Variants in CPED1 observed in about 807,000 individuals in gnomAD.
CPED1 encodes the protein cadherin like and PC-esterase domain containing 1.
CPED1 carries 114 observed loss-of-function variants against 128.2 expected under a neutral mutation model. The observed-to-expected ratio is 0.89, with a 90% CI of 0.76 to 1.04. The LOEUF (loss-of-function observed/expected upper bound fraction) is 1.04. Among genes scored for constraint, CPED1 ranks in the 50% least tolerant of loss-of-function variants. CPED1 has a pLI of 0.00. For synonymous variants in CPED1, 462 were observed against 426.7 expected (o/e 1.08, Z -1.02); for missense variants, 1,211 against 1,207.1 (o/e 1.00, Z -0.05).
At chr7:121,050,195 A>G (rs942798164) in intron 4 of CPED1, among the ~76,000 whole-genome samples, 4 of 152,032 alleles carry the variant, frequency 2.6e-5, no homozygotes, top group Non-Finnish European at 5.9e-5. Flanking sequence ...ATACTATGGG[A>G]TTTATCCTCT....
intron 15 of CPED1, 120 bp from the exon 16 acceptor site, chr7:121,141,853 A>G: frequency 1.4e-6 from 1 of 704,514 alleles, no homozygotes; most frequent in Non-Finnish European, 2.3e-6. Context: ...ATGAAATTGT[A>G]CAGACCTTTC....
At chr7:121,095,048 A>G (rs1193672564) in intron 5 of CPED1, among the ~76,000 whole-genome samples, 1 of 152,206 alleles carries the variant, frequency 6.6e-6, no homozygotes, top group Non-Finnish European at 1.5e-5. Context: ...GGTATTCCAT[A>G]TTAAGTTACT....
intron 16 of CPED1, among the ~76,000 whole-genome samples, chr7:121,181,038 T>C (rs1381405352): frequency 1.3e-5 from 2 of 152,098 alleles, no homozygotes; most frequent in Non-Finnish European, 2.9e-5. Flanking sequence ...TTTTCCATCA[T>C]GTTCAAGAAA....
chr7:121,135,926 T>G, intron 13 of CPED1, 114 bp from the exon 14 acceptor site: 1 of 743,242 alleles, frequency 1.3e-6, no homozygotes, highest in Non-Finnish European at 2.0e-6. Context: ...TTCACTAGTA[T>G]AATAAAAGTT....
chr7:121,228,368 C>T (rs1798063382), intron 16 of CPED1, among the ~76,000 whole-genome samples: 1 of 151,714 alleles, frequency 6.6e-6, no homozygotes, highest in Non-Finnish European at 1.5e-5. Flanking sequence ...TACAAATCGC[C>T]AATGGGTACA....
chr7:121,013,896 C>G (rs912169772), intron 2 of CPED1, among the ~76,000 whole-genome samples: 8 of 152,210 alleles, frequency 5.3e-5, no homozygotes, highest in African/African-American at 1.7e-4. Flanking sequence ...TACTAAATAT[C>G]TTCATTTATT....
At chr7:121,259,961 AAAT>A (rs1204663682) in intron 18 of CPED1, among the ~76,000 whole-genome samples, 1 of 152,014 alleles carries the variant, frequency 6.6e-6, no homozygotes, top group Non-Finnish European at 1.5e-5. Flanking sequence ...GGCTAATTTA[AAAT>A]AATATGTTCT....
At chr7:121,028,172 G>C (rs1050633122) in intron 3 of CPED1, among the ~76,000 whole-genome samples, 1 of 152,150 alleles carries the variant, frequency 6.6e-6, no homozygotes, top group African/African-American at 2.4e-5. Context: ...CCTACTCACA[G>C]TAGATCTGAT....
chr7:121,195,814 C>A lies in CPED1; in HGVS notation c.2056-40900C>A, dbSNP rs146860229. Among the ~76,000 whole-genome samples, 17 of 152,264 alleles carry A rather than the reference C, an allele frequency of 1.1e-4. No individual in the cohort carries two copies. In the East Asian group the frequency reaches 2.5e-3, roughly 23 times the overall value. Reference sequence around the variant, plus strand: ...TTATTACCGGTATCTTGACTTCTAACAAAACCTCAAGCTTGGTTGGTGTTT... The same window carrying A: ...TTATTACCGGTATCTTGACTTCTAAAAAAACCTCAAGCTTGGTTGGTGTTT... On this transcript the variant is annotated intron_variant, in intron 16 of 22. Coordinates refer to ENST00000310396, the MANE Select transcript of CPED1 (RefSeq NM_024913.5).
At chr7:121,090,779 T>A (rs10215164) in intron 5 of CPED1, among the ~76,000 whole-genome samples, 64,478 of 151,870 alleles carry the variant, frequency 0.42, 15,184 homozygotes, top group East Asian at 0.83. Flanking sequence ...TGAAACCCTG[T>A]CTCTATTAAA....
intron 5 of CPED1, among the ~76,000 whole-genome samples, chr7:121,087,870 C>T (rs767340783): frequency 9.2e-5 from 14 of 151,808 alleles, no homozygotes; most frequent in Non-Finnish European, 1.9e-4. Context: ...CCATCTTGGC[C>T]AGGCTGATCT....
chr7:121,137,025 G>T (rs528532654), intron 14 of CPED1, among the ~76,000 whole-genome samples: 1 of 151,616 alleles, frequency 6.6e-6, no homozygotes, highest in Non-Finnish European at 1.5e-5. Flanking sequence ...ATATATATAC[G>T]TGTGTGTATG....
In CPED1 at chr7:121,235,111, C is replaced by T. The variant is rs530823704; in HGVS notation, c.2056-1603C>T. Among the ~76,000 whole-genome samples, 3 of 152,038 alleles carry T rather than the reference C, an allele frequency of 2.0e-5. No homozygotes were observed. The East Asian group carries it at 5.8e-4, about 29-fold the overall frequency. ...AACATTTCATATAAAAATATTTTTG[C>T]AAAATGAATCATGACACTTTTTTCT... On this transcript the variant is annotated intron_variant, in intron 16 of 22. Transcript: ENST00000310396.
rs199500500 is a variant in CPED1, at chr7:121,137,959, C to CT, written c.1699+1877dup. 6.7e-3 allele frequency among the ~76,000 whole-genome samples: 1,024 copies of CT among 152,056 alleles called. 10 individuals carry two copies. Among genetic ancestry groups the CT allele is most frequent in the African/African-American group, 0.023 (945 of 41,514 alleles). Reference sequence around the variant, plus strand: ...GAAAGGATTGCATTGGATGATCTTACTTTTTTTTCCAGTTCCCATGTAATA... The same window carrying CT: ...GAAAGGATTGCATTGGATGATCTTACTTTTTTTTTCCAGTTCCCATGTAATA... On this transcript the variant is annotated intron_variant, in intron 14 of 22. Coordinates refer to ENST00000310396, the MANE Select transcript of CPED1 (RefSeq NM_024913.5).
At chr7:121,082,384 T>C (rs922425515) in intron 5 of CPED1, among the ~76,000 whole-genome samples, 1 of 152,310 alleles carries the variant, frequency 6.6e-6, no homozygotes, top group African/African-American at 2.4e-5. Context: ...TAATATATAA[T>C]GTGCTTTTTT....
rs552997783 is a variant in CPED1 at position 121,219,659 on chromosome 7, C to T, written c.2056-17055C>T. Among the ~76,000 whole-genome samples the T allele has an allele frequency of 2.0e-5, 3 of 152,086 alleles. No homozygotes were observed. In the South Asian group the frequency reaches 6.2e-4, roughly 32 times the overall value. On this transcript the variant is annotated intron_variant, in intron 16 of 22. Transcript: ENST00000310396. ...GATATATGTTTAGGGAAGAAACACA[C>T]AACTGTGTCACATTCTATGATGGCT...
At chr7:121,110,175 A>G (rs1161830394) in intron 7 of CPED1, among the ~76,000 whole-genome samples, 3 of 152,156 alleles carry the variant, frequency 2.0e-5, no homozygotes, top group Admixed American at 6.6e-5. Flanking sequence ...TGGTTTTCCT[A>G]TGAGTTAAAT....
At chr7:121,112,326 G>A (rs570081543) in intron 7 of CPED1, among the ~76,000 whole-genome samples, 8 of 152,282 alleles carry the variant, frequency 5.3e-5, no homozygotes, top group African/African-American at 1.9e-4. Flanking sequence ...AAATTATCCA[G>A]ATAGGCCCTG....
At chr7:121,045,684 C>T (rs1311990935) in intron 3 of CPED1, among the ~76,000 whole-genome samples, 1 of 152,058 alleles carries the variant, frequency 6.6e-6, no homozygotes, top group Non-Finnish European at 1.5e-5. Context: ...TAAATAATTA[C>T]TCAGAATATT....
Sources: allele counts gnomAD v4.1 joint callset (sites outside exome capture counted in the v4.1 genomes callset), GRCh38; gene constraint gnomAD v4.1.1; transcripts MANE v1.5; gene names NCBI Gene and HGNC (gene_info 2026-07-23, HGNC 2026-07-21).